Variants in PHTF2 observed in about 807,000 individuals in gnomAD.
PHTF2 encodes the protein putative homeodomain transcription factor 2, also known as protein PHTF2.
Under a neutral mutation model 101.2 loss-of-function variants are expected in PHTF2, and 60 were observed. That is an observed-to-expected ratio of 0.59 (90% CI 0.48 to 0.73). The LOEUF (loss-of-function observed/expected upper bound fraction) is 0.73, where lower values mean the gene tolerates loss of function less well. PHTF2 is among the 30% of genes least tolerant of loss of function. The pLI is 0.00. For synonymous variants in PHTF2, 311 were observed against 307.3 expected, an observed-to-expected ratio of 1.01 and a Z score of -0.13; for missense variants, 747 against 908.7, an observed-to-expected ratio of 0.82 and a Z score of 2.29.
chr7:77,862,354 G>T (rs893268388), intron 3 of PHTF2, among the ~76,000 whole-genome samples: 10 of 151,894 alleles, frequency 6.6e-5, no homozygotes, highest in East Asian at 1.9e-4. Flanking sequence ...AATGTTTTTG[G>T]TTTTTGTTTT....
intron 2 of PHTF2, among the ~76,000 whole-genome samples, chr7:77,849,640 A>C (rs2150614657): frequency 6.6e-6 from 1 of 152,248 alleles, no homozygotes; most frequent in East Asian, 1.9e-4. Context: ...GAATCTGTAG[A>C]TTGCTTTGGG....
chr7:77,868,880 C>T (rs940170831), intron 3 of PHTF2, among the ~76,000 whole-genome samples: 2 of 152,174 alleles, frequency 1.3e-5, no homozygotes, highest in African/African-American at 4.8e-5. Flanking sequence ...AAAGTTCTAG[C>T]ACAGTATCTG....
At chr7:77,810,002 C>T (rs1329038324) in intron 1 of PHTF2, among the ~76,000 whole-genome samples, 2 of 152,054 alleles carry the variant, frequency 1.3e-5, no homozygotes, top group Non-Finnish European at 1.5e-5. Context: ...AGGAAATTAA[C>T]GTGATAAAGG....
intron 12 of PHTF2, among the ~76,000 whole-genome samples, chr7:77,930,508 C>T (rs1229441332): frequency 6.6e-6 from 1 of 152,086 alleles, no homozygotes; most frequent in Non-Finnish European, 1.5e-5. Flanking sequence ...TCTTATCCAA[C>T]TCCTTATCTA....
At chr7:77,817,604 TC>T (rs148250574) in intron 1 of PHTF2, among the ~76,000 whole-genome samples, 32,343 of 152,036 alleles carry the variant, frequency 0.21, 3,861 homozygotes, top group South Asian at 0.28. Flanking sequence ...TTCAGTTACC[TC>T]CCACCAGGTC....
intron 1 of PHTF2, among the ~76,000 whole-genome samples, chr7:77,838,312 C>T (rs539990379): frequency 6.6e-6 from 1 of 152,274 alleles, no homozygotes; most frequent in Non-Finnish European, 1.5e-5. Flanking sequence ...GATAGCCACA[C>T]CTGACTGAGA....
intron 2 of PHTF2, among the ~76,000 whole-genome samples, chr7:77,847,394 T>G (rs1796387480): frequency 6.6e-6 from 1 of 152,230 alleles, no homozygotes; most frequent in African/African-American, 2.4e-5. Context: ...GCACTGTGTA[T>G]AGCATCGCGA....
chr7:77,845,808 T>G (rs567944093), intron 2 of PHTF2, among the ~76,000 whole-genome samples: 4 of 152,278 alleles, frequency 2.6e-5, no homozygotes, highest in East Asian at 1.9e-4. Flanking sequence ...TCCATCAGTC[T>G]CCTGGATTCT....
chr7:77,936,569 G>A (rs1805150289), intron 12 of PHTF2, among the ~76,000 whole-genome samples: 1 of 152,000 alleles, frequency 6.6e-6, no homozygotes, highest in South Asian at 2.1e-4. Context: ...AGCTACTTGG[G>A]AGGCTGAGGC....
intron 2 of PHTF2, among the ~76,000 whole-genome samples, chr7:77,843,763 A>C (rs1334969532): frequency 6.6e-6 from 1 of 152,254 alleles, no homozygotes; most frequent in East Asian, 1.9e-4. Context: ...AAAGCCAAGG[A>C]TCATATTTTG....
chr7:77,853,521 G>A (rs1473049523), intron 2 of PHTF2, among the ~76,000 whole-genome samples: 1 of 151,952 alleles, frequency 6.6e-6, no homozygotes, highest in Non-Finnish European at 1.5e-5. Context: ...AGCCTCTTGA[G>A]TAGCTGGGAC....
intron 1 of PHTF2, among the ~76,000 whole-genome samples, chr7:77,822,935 C>T (rs1203901161): frequency 1.4e-5 from 2 of 145,634 alleles, no homozygotes; most frequent in African/African-American, 5.1e-5. Flanking sequence ...GACGGAGTCT[C>T]GCTCTGTCGC....
chr7:77,808,392 G>C (rs1793157234), intron 1 of PHTF2, among the ~76,000 whole-genome samples: 1 of 152,144 alleles, frequency 6.6e-6, no homozygotes. Flanking sequence ...TTGTTTACAA[G>C]TCCTGTCATC....
chr7:77,915,506 C>T (rs1435558258), intron 9 of PHTF2, among the ~76,000 whole-genome samples: 6 of 152,118 alleles, frequency 3.9e-5, no homozygotes, highest in African/African-American at 9.7e-5. Context: ...CCACCATGCC[C>T]GGCTTGTTTT....
chr7:77,859,463 C>T (rs997695042), intron 3 of PHTF2, among the ~76,000 whole-genome samples: 2 of 151,922 alleles, frequency 1.3e-5, no homozygotes, highest in Admixed American at 6.6e-5. Context: ...TTAAAAGTTA[C>T]GATTGTCGAA....
intron 3 of PHTF2, among the ~76,000 whole-genome samples, chr7:77,888,460 A>G (rs1161157514): frequency 6.6e-6 from 1 of 152,144 alleles, no homozygotes; most frequent in East Asian, 1.9e-4. Context: ...CTGTGAACCT[A>G]TGGATTATGT....
chr7:77,923,922 G>A, intron 11 of PHTF2: 1 of 967,606 alleles, frequency 1.0e-6, no homozygotes, highest in Non-Finnish European at 1.2e-6. Context: ...TAAATTAAAA[G>A]GTTGTTTAAA....
chr7:77,891,804 C>T (rs1047772743), intron 3 of PHTF2, among the ~76,000 whole-genome samples: 6 of 151,454 alleles, frequency 4.0e-5, no homozygotes, highest in African/African-American at 1.5e-4. Context: ...AAGATTGGTA[C>T]CAAACTCCTG....
intron 2 of PHTF2, among the ~76,000 whole-genome samples, chr7:77,851,981 A>G (rs1156840151): frequency 6.6e-6 from 1 of 152,144 alleles, no homozygotes; most frequent in Non-Finnish European, 1.5e-5. Context: ...CTGGTAATTC[A>G]GGAGCATATT....
Sources: gnomAD v4.1 joint callset for allele counts (sites outside exome capture counted in the v4.1 genomes callset) on GRCh38, gnomAD v4.1.1 for gene constraint, MANE v1.5 for transcripts, NCBI Gene and HGNC (gene_info 2026-07-23, HGNC 2026-07-21) for gene names.